SLC2A9: variants seen among roughly 807,000 people sequenced by gnomAD.
SLC2A9 encodes the protein solute carrier family 2 member 9, also known as solute carrier family 2, facilitated glucose transporter member 9.
A neutral mutation model predicts 50.6 loss-of-function variants in SLC2A9; 39 were observed. The ratio of observed to expected loss-of-function variants is 0.77; its 90% confidence interval spans 0.60 to 1.01. The LOEUF is 1.01. Ranked by LOEUF, SLC2A9 falls within the 50% of genes least tolerant of loss-of-function variation. SLC2A9 has a pLI of 0.00. For synonymous variants in SLC2A9, 324 were observed against 276.9 expected, an observed-to-expected ratio of 1.17 and a Z score of -1.69; for missense variants, 686 against 677.6, an observed-to-expected ratio of 1.01 and a Z score of -0.14.
chr4:9,884,769 C>CA (rs1186811537), intron 10 of SLC2A9, among the ~76,000 whole-genome samples: 1 of 152,090 alleles, frequency 6.6e-6, no homozygotes, highest in East Asian at 1.9e-4. Context: ...AGAATCAACC[C>CA]AAATGCTCAT....
chr4:9,870,370 AGCT>A lies in SLC2A9; in HGVS notation c.1291+17194_1291+17196del, dbSNP rs372234757. Among the ~76,000 whole-genome samples, 89 of 152,360 alleles carry A rather than the reference AGCT, an allele frequency of 5.8e-4. 2 individuals are homozygous for A. The East Asian group carries it at 0.013, about 22-fold the overall frequency. Reference sequence around the variant, plus strand: ...CCCAAGTGACAGTGAAGAGGAAGACAGCTGCTGACAGAAACCACGAGAAAGACC... The same window carrying A: ...CCCAAGTGACAGTGAAGAGGAAGACAGCTGACAGAAACCACGAGAAAGACC... On this transcript the variant is annotated intron_variant, in intron 10 of 11. Transcript: ENST00000264784.
Position 9,920,492 on chromosome 4 carries a change from T to G in SLC2A9, c.895A>C (p.Ile299Leu). Residue 299 changes from isoleucine (I) to leucine (L), a missense_variant, in exon 7 of 12, where the codon ATC (isoleucine) becomes CTC (leucine). Ile to Leu is a conservative substitution (Grantham distance 5). Transcript: ENST00000264784. The stretch of plus-strand genomic sequence containing the variant: ...AGCTCCAGCACGGACACCAGGCGGA[T>G]GCTCCTCTGCACGCGGCTCTCAGCC... ...VLAESRVQRSIRLVSVLELLR... is the reference protein window; with the variant it reads ...VLAESRVQRSLRLVSVLELLR... 6.2e-7 allele frequency: 1 copy of G among 1,614,190 alleles called. No homozygotes were observed. The highest frequency in any genetic ancestry group is 8.5e-7 in the Non-Finnish European group (1 of 1,180,038).
chr4:9,813,812 T>C (rs184187745), intron 3 of SLC2A9, among the ~76,000 whole-genome samples: 12 of 152,130 alleles, frequency 7.9e-5, no homozygotes, highest in African/African-American at 2.7e-4. Context: ...TAAGAATGAA[T>C]GGGCCAGGTG....
At chr4:10,029,340 A>C (rs1209882950) in intron 1 of SLC2A9, 2 of 152,132 alleles carry the variant, frequency 1.3e-5, no homozygotes, top group African/African-American at 4.8e-5. Context: ...ACAGTCTCCA[A>C]CCAAACCATT....
chr4:9,782,362 G>A, intron 3 of SLC2A9: 2 of 1,614,044 alleles, frequency 1.2e-6, no homozygotes, highest in Non-Finnish European at 1.7e-6. Flanking sequence ...CCTTTGGAGC[G>A]TTCTGCGACG....
chr4:9,887,631 G>C lies in SLC2A9; in HGVS notation c.1227C>G (p.Pro409=). ...CCACGATACTCAGGTAGGGGACCCA[G>C]GGGGCGTGGTCCTGGGAGAGAACAG... ...TITLTLQDHA[P]WVPYLSIVGI... Residue 409 remains proline, a synonymous_variant, in exon 10 of 12, where the codon CCC becomes CCG. Transcript: ENST00000264784. The C allele has an allele frequency of 6.5e-7, 1 of 1,549,618 alleles. No individual in the cohort carries two copies.
chr4:9,796,379 G>A (rs1020320783), downstream of SLC2A9, among the ~76,000 whole-genome samples: 5 of 152,148 alleles, frequency 3.3e-5, no homozygotes, highest in Non-Finnish European at 7.3e-5. Context: ...AACATAGGAG[G>A]CTTGGTTCAT....
At chr4:9,791,021 G>A (rs1214573619) in intron 3 of SLC2A9, among the ~76,000 whole-genome samples, 1 of 152,152 alleles carries the variant, frequency 6.6e-6, no homozygotes, top group Non-Finnish European at 1.5e-5. Context: ...TGTGGTTGAT[G>A]GTCTAAATAG....
chr4:9,800,278 T>C (rs1425696778), intron 3 of SLC2A9, among the ~76,000 whole-genome samples: 1 of 152,230 alleles, frequency 6.6e-6, no homozygotes, highest in Non-Finnish European at 1.5e-5. Context: ...CTCAAATTCA[T>C]ATGTTGAAGT....
At chr4:9,854,491 AG>A (rs757940199) in intron 10 of SLC2A9, among the ~76,000 whole-genome samples, 3 of 152,230 alleles carry the variant, frequency 2.0e-5, no homozygotes, top group Non-Finnish European at 4.4e-5. Flanking sequence ...GGAAAAGCTC[AG>A]GAACAGATGG....
intron 5 of SLC2A9, among the ~76,000 whole-genome samples, chr4:9,955,651 G>A (rs1339607901): frequency 1.3e-5 from 2 of 151,922 alleles, no homozygotes; most frequent in Non-Finnish European, 2.9e-5. Flanking sequence ...TCTAACTCTT[G>A]CCTCAGTCTC....
chr4:9,884,069 C>T (rs1020919087), intron 10 of SLC2A9, among the ~76,000 whole-genome samples: 2 of 152,210 alleles, frequency 1.3e-5, no homozygotes, highest in African/African-American at 4.8e-5. Flanking sequence ...GGTGCATGTG[C>T]TCATCTACCT....
intron 5 of SLC2A9, among the ~76,000 whole-genome samples, chr4:9,977,218 GTCC>G (rs1442594523): frequency 6.6e-6 from 1 of 152,174 alleles, no homozygotes; most frequent in Admixed American, 6.5e-5. Flanking sequence ...CAGTTACACA[GTCC>G]CCATCAAGGT....
At chr4:9,984,083 C>G (rs988706826) in intron 4 of SLC2A9, among the ~76,000 whole-genome samples, 2 of 152,202 alleles carry the variant, frequency 1.3e-5, no homozygotes, top group African/African-American at 4.8e-5. Context: ...TGGATAAACT[C>G]TCAATAGCCA....
chr4:9,792,254 G>A, intron 3 of SLC2A9, among the ~76,000 whole-genome samples: 1 of 138,964 alleles, frequency 7.2e-6, no homozygotes, highest in Admixed American at 8.1e-5. Context: ...ATGGTTCACT[G>A]CAGCCTTAAA....
At chr4:9,984,464 G>A (rs1050083560) in intron 4 of SLC2A9, among the ~76,000 whole-genome samples, 1 of 152,078 alleles carries the variant, frequency 6.6e-6, no homozygotes, top group Non-Finnish European at 1.5e-5. Context: ...GTGTGTTTCC[G>A]TTCAGCCTTA....
chr4:9,922,695 A>G (rs6832439), intron 6 of SLC2A9: 106,997 of 151,746 alleles, frequency 0.71, 38,885 homozygotes, highest in East Asian at 0.98. Flanking sequence ...TGGACTTGCC[A>G]AGACTTTGCC....
chr4:10,035,076 A>G (rs1003877952), intron 1 of SLC2A9: 1 of 152,266 alleles, frequency 6.6e-6, no homozygotes, highest in African/African-American at 2.4e-5. Flanking sequence ...CTGGTGCAGG[A>G]CGTTTCACCC....
In SLC2A9 at chr4:10,021,460, C is replaced by T; in HGVS notation, c.-31G>A. ...TCAGTGACCCAGCTGATGGCTCAGTCCAGGGACCCCAGACTCTGCCAAGGC... is the reference window on the plus strand; with the variant it reads ...TCAGTGACCCAGCTGATGGCTCAGTTCAGGGACCCCAGACTCTGCCAAGGC... On this transcript the variant is annotated 5_prime_UTR_variant, in exon 1 of 12. Transcript: ENST00000264784. 1.9e-6 allele frequency: 3 copies of T among 1,613,710 alleles called. No homozygotes were observed. The South Asian group carries it at 3.3e-5, about 18-fold the overall frequency.
Sources: allele counts gnomAD v4.1 joint callset (sites outside exome capture counted in the v4.1 genomes callset), GRCh38; gene constraint gnomAD v4.1.1; transcripts MANE v1.5; gene names NCBI Gene and HGNC (gene_info 2026-07-23, HGNC 2026-07-21).